Variants in CCBE1 observed in about 807,000 individuals in gnomAD.
CCBE1 encodes collagen and calcium binding EGF domains 1, also known as collagen and calcium-binding EGF domain-containing protein 1.
In CCBE1, 37 loss-of-function variants were observed where a neutral mutation model predicts 50.0. That is an observed-to-expected ratio of 0.74 (90% CI 0.57 to 0.97). The LOEUF is 0.97. Among genes scored for constraint, CCBE1 ranks in the 50% least tolerant of loss-of-function variants. The pLI is 0.00. For missense variants in CCBE1, 538 were observed against 523.8 expected, an observed-to-expected ratio of 1.03 and a Z score of -0.26; for synonymous variants, 234 against 203.7, an observed-to-expected ratio of 1.15 and a Z score of -1.27.
At chr18:59,502,283 C>A (rs35898599) in intron 2 of CCBE1, among the ~76,000 whole-genome samples, 3,303 of 152,322 alleles carry the variant, frequency 0.022, 142 homozygotes, top group East Asian at 0.2. Flanking sequence ...CTATGCTGAG[C>A]AACTGCACCC....
At chr18:59,636,488 AG>A (rs2053918750) in intron 2 of CCBE1, among the ~76,000 whole-genome samples, 1 of 152,228 alleles carries the variant, frequency 6.6e-6, no homozygotes, top group Non-Finnish European at 1.5e-5. Flanking sequence ...CAAGGCCTTA[AG>A]AGTTCCAAGG....
intron 2 of CCBE1, among the ~76,000 whole-genome samples, chr18:59,519,892 C>G (rs1914527272): frequency 6.6e-6 from 1 of 152,298 alleles, no homozygotes; most frequent in South Asian, 2.1e-4. Context: ...CTGCATATAG[C>G]TAGCCAGTTT....
intron 5 of CCBE1, chr18:59,465,363 A>G (rs577567512): frequency 2.6e-5 from 4 of 151,538 alleles, no homozygotes; most frequent in African/African-American, 7.3e-5. Context: ...CTCTTCCCCC[A>G]TCCCTCCCCT....
chr18:59,607,800 C>T (rs531465116), intron 2 of CCBE1, among the ~76,000 whole-genome samples: 3 of 152,296 alleles, frequency 2.0e-5, no homozygotes, highest in South Asian at 2.1e-4. Flanking sequence ...AACGGCCAGG[C>T]GCAGTGGCTC....
intron 2 of CCBE1, among the ~76,000 whole-genome samples, chr18:59,591,019 T>G (rs1599041472): frequency 1.0e-5 from 1 of 96,148 alleles, no homozygotes; most frequent in Non-Finnish European, 1.9e-5. Flanking sequence ...CCGAGGCGGG[T>G]GGATCACGAG....
chr18:59,680,322 G>GC (rs1358640542), intron 2 of CCBE1, among the ~76,000 whole-genome samples: 3 of 152,086 alleles, frequency 2.0e-5, no homozygotes, highest in Non-Finnish European at 4.4e-5. Flanking sequence ...AGGCAAGCTG[G>GC]CCCTAAGCAG....
chr18:59,510,398 A>G (rs1914079596), intron 2 of CCBE1, among the ~76,000 whole-genome samples: 1 of 152,290 alleles, frequency 6.6e-6, no homozygotes, highest in Middle Eastern at 3.4e-3. Context: ...TCTTTATAAT[A>G]TGAATAATTT....
chr18:59,622,981 G>A (rs560283663), intron 2 of CCBE1, among the ~76,000 whole-genome samples: 53 of 152,210 alleles, frequency 3.5e-4, no homozygotes, highest in African/African-American at 1.0e-3. Context: ...AGAACATACA[G>A]TGACAAGAGT....
intron 2 of CCBE1, among the ~76,000 whole-genome samples, chr18:59,554,090 A>C (rs1013796008): frequency 6.6e-6 from 1 of 152,154 alleles, no homozygotes; most frequent in Admixed American, 6.5e-5. Context: ...GCAACCAGTA[A>C]TTCCCGGGCT....
chr18:59,463,564 A>G (rs1911593110), intron 5 of CCBE1, among the ~76,000 whole-genome samples: 1 of 152,170 alleles, frequency 6.6e-6, no homozygotes, highest in African/African-American at 2.4e-5. Context: ...TCAGCATTTA[A>G]AATCTGATAC....
At chr18:59,581,047 A>G (rs907764179) in intron 2 of CCBE1, among the ~76,000 whole-genome samples, 1 of 152,190 alleles carries the variant, frequency 6.6e-6, no homozygotes, top group African/African-American at 2.4e-5. Flanking sequence ...TGAAGTGACA[A>G]CTTTTCATAC....
intron 2 of CCBE1, among the ~76,000 whole-genome samples, chr18:59,594,772 G>A (rs924632150): frequency 2.6e-5 from 4 of 152,030 alleles, no homozygotes; most frequent in African/African-American, 9.7e-5. Context: ...ATGAAAGGCG[G>A]CATTCTATGT....
intron 2 of CCBE1, among the ~76,000 whole-genome samples, chr18:59,670,155 A>AT (rs71965532): frequency 0.32 from 48,223 of 151,744 alleles, 7,847 homozygotes; most frequent in Non-Finnish European, 0.35. Flanking sequence ...GAAGAGAAGC[A>AT]TGTGCCTTAT....
chr18:59,471,682 G>C (rs1912041710), intron 3 of CCBE1, among the ~76,000 whole-genome samples: 1 of 152,140 alleles, frequency 6.6e-6, no homozygotes, highest in Non-Finnish European at 1.5e-5. Flanking sequence ...TTGGGCTCTG[G>C]AGACCACATT....
intron 2 of CCBE1, among the ~76,000 whole-genome samples, chr18:59,655,620 T>C (rs2054179155): frequency 6.6e-6 from 1 of 152,208 alleles, no homozygotes; most frequent in South Asian, 2.1e-4. Context: ...GAAGTAGGTG[T>C]GGCTATGTTC....
chr18:59,649,184 T>C (rs150115851), intron 2 of CCBE1, among the ~76,000 whole-genome samples: 1 of 152,318 alleles, frequency 6.6e-6, no homozygotes, highest in Non-Finnish European at 1.5e-5. Context: ...CCTTGCCCAT[T>C]ATCTTATAGA....
At chr18:59,549,754 C>A (rs775208319) in intron 2 of CCBE1, among the ~76,000 whole-genome samples, 5 of 152,176 alleles carry the variant, frequency 3.3e-5, no homozygotes, top group Non-Finnish European at 5.9e-5. Flanking sequence ...GACAACAAAG[C>A]ACTTATAATC....
chr18:59,671,400 A>C lies in CCBE1; in HGVS notation c.212+25229T>G, dbSNP rs368439392. 3.9e-5 allele frequency among the ~76,000 whole-genome samples: 6 copies of C among 152,102 alleles called. No homozygotes were observed. In the East Asian group the frequency reaches 1.2e-3, roughly 29 times the overall value. On this transcript the variant is annotated intron_variant, in intron 2 of 10. Coordinates refer to ENST00000439986, the MANE Select transcript of CCBE1 (RefSeq NM_133459.4). The stretch of plus-strand genomic sequence containing the variant: ...ATAGTCCCAGCTGCCTGGGAGGCTA[A>C]AGTGGGAAGACTGCTTGACCCCAGG...
At chr18:59,674,709 G>T (rs1478242306) in intron 2 of CCBE1, among the ~76,000 whole-genome samples, 2 of 152,154 alleles carry the variant, frequency 1.3e-5, no homozygotes, top group African/African-American at 4.8e-5. Context: ...TGTTTGACAG[G>T]ATCCAGGAAA....
Sources: gnomAD v4.1 joint callset for allele counts (sites outside exome capture counted in the v4.1 genomes callset) on GRCh38, gnomAD v4.1.1 for gene constraint, MANE v1.5 for transcripts, NCBI Gene and HGNC (gene_info 2026-07-23, HGNC 2026-07-21) for gene names.